Variants in CLSTN2 observed in about 807,000 individuals in gnomAD.
CLSTN2 encodes the protein calsyntenin-2.
A neutral mutation model predicts 101.2 loss-of-function variants in CLSTN2; 48 were observed. That is an observed-to-expected ratio of 0.47 (90% CI 0.38 to 0.60). The LOEUF (loss-of-function observed/expected upper bound fraction) is 0.60. Ranked by LOEUF, CLSTN2 falls within the 20% of genes least tolerant of loss-of-function variation. The pLI is 0.00. For missense variants in CLSTN2, 1,160 were observed against 1,238.2 expected, an observed-to-expected ratio of 0.94 and a Z score of 0.95; for synonymous variants, 481 against 463.6, an observed-to-expected ratio of 1.04 and a Z score of -0.48.
At chr3:140,388,924 T>G (rs529910930) in intron 2 of CLSTN2, among the ~76,000 whole-genome samples, 2 of 151,916 alleles carry the variant, frequency 1.3e-5, no homozygotes, top group Admixed American at 1.3e-4. Context: ...TATATGAATG[T>G]TAACTTTTGG....
At chr3:140,213,069 G>A (rs2010877869) in intron 2 of CLSTN2, among the ~76,000 whole-genome samples, 1 of 152,180 alleles carries the variant, frequency 6.6e-6, no homozygotes, top group Admixed American at 6.5e-5. Context: ...ATAGCCATTA[G>A]CACTTTTCCT....
At chr3:140,363,174 A>G (rs2087748043) in intron 2 of CLSTN2, among the ~76,000 whole-genome samples, 1 of 152,246 alleles carries the variant, frequency 6.6e-6, no homozygotes. Context: ...AATAAACAGT[A>G]CAACATAAAT....
intron 2 of CLSTN2, among the ~76,000 whole-genome samples, chr3:140,212,000 A>G (rs956318198): frequency 2.6e-5 from 4 of 152,190 alleles, no homozygotes; most frequent in Admixed American, 2.6e-4. Context: ...TGCACCATCC[A>G]TATTTTACAT....
intron 2 of CLSTN2, among the ~76,000 whole-genome samples, chr3:140,178,280 G>A (rs2010354957): frequency 6.6e-6 from 1 of 152,052 alleles, no homozygotes; most frequent in Admixed American, 6.6e-5. Context: ...TGAAAGTTTG[G>A]ACTTACAAAA....
At chr3:140,320,248 G>A (rs1382375403) in intron 2 of CLSTN2, among the ~76,000 whole-genome samples, 2 of 152,154 alleles carry the variant, frequency 1.3e-5, no homozygotes, top group African/African-American at 4.8e-5. Context: ...ACAGACTCTG[G>A]GCACTGGGGG....
chr3:140,242,719 C>T (rs1049205054), intron 2 of CLSTN2, among the ~76,000 whole-genome samples: 8 of 152,304 alleles, frequency 5.3e-5, no homozygotes, highest in African/African-American at 1.4e-4. Flanking sequence ...TTCCCATTCC[C>T]CAGGATGCCT....
intron 5 of CLSTN2, 35 bp downstream of exon 5, chr3:140,421,309 C>T: frequency 6.2e-7 from 1 of 1,612,404 alleles, no homozygotes; most frequent in African/African-American, 1.3e-5. Context: ...GTGAAGGCAG[C>T]ATGGTCTGAT....
intron 2 of CLSTN2, among the ~76,000 whole-genome samples, chr3:140,398,295 T>C (rs565578205): frequency 7.2e-5 from 11 of 152,300 alleles, no homozygotes; most frequent in African/African-American, 2.4e-4. Context: ...CATGAACTCA[T>C]TGTGATTTAA....
intron 1 of CLSTN2, among the ~76,000 whole-genome samples, chr3:140,091,982 A>C (rs1027791045): frequency 1.1e-4 from 16 of 152,198 alleles, no homozygotes; most frequent in African/African-American, 3.6e-4. Context: ...TCTCTAATTC[A>C]AGTCTGGCTG....
chr3:139,976,977 C>T (rs2107821614), intron 1 of CLSTN2, among the ~76,000 whole-genome samples: 1 of 152,328 alleles, frequency 6.6e-6, no homozygotes. Context: ...GCCTCCTCTT[C>T]CTGCTCCAGC....
intron 1 of CLSTN2, among the ~76,000 whole-genome samples, chr3:140,094,198 C>G (rs78498394): frequency 0.038 from 5,788 of 152,226 alleles, 147 homozygotes; most frequent in Middle Eastern, 0.082. Context: ...TCAGATCTTC[C>G]CTGCTAAAAA....
intron 1 of CLSTN2, among the ~76,000 whole-genome samples, chr3:140,023,539 C>A (rs970051641): frequency 6.6e-6 from 1 of 152,156 alleles, no homozygotes; most frequent in Non-Finnish European, 1.5e-5. Flanking sequence ...TGGGCCTGGA[C>A]TGACCCTTGC....
intron 2 of CLSTN2, among the ~76,000 whole-genome samples, chr3:140,378,175 C>A (rs1045914697): frequency 6.6e-6 from 1 of 152,168 alleles, no homozygotes; most frequent in Non-Finnish European, 1.5e-5. Context: ...ATGATATTTG[C>A]TCAACAATGA....
At chr3:140,560,310 T>C (rs1161151895) in intron 12 of CLSTN2, among the ~76,000 whole-genome samples, 3 of 152,200 alleles carry the variant, frequency 2.0e-5, no homozygotes. Context: ...ACATTCTCTT[T>C]ATGCTGTCAA....
intron 8 of CLSTN2, among the ~76,000 whole-genome samples, chr3:140,484,676 T>C (rs888802868): frequency 2.6e-5 from 4 of 152,204 alleles, no homozygotes; most frequent in Non-Finnish European, 5.9e-5. Context: ...TTTATTCTTT[T>C]TTCTCTAAAG....
intron 2 of CLSTN2, among the ~76,000 whole-genome samples, chr3:140,215,461 A>G (rs1445987517): frequency 6.6e-6 from 1 of 152,218 alleles, no homozygotes; most frequent in Non-Finnish European, 1.5e-5. Flanking sequence ...TTCCCATGAT[A>G]GTTGTTTCTG....
At chr3:140,212,206 T>C (rs2010864438) in intron 2 of CLSTN2, among the ~76,000 whole-genome samples, 1 of 152,204 alleles carries the variant, frequency 6.6e-6, no homozygotes, top group Admixed American at 6.5e-5. Context: ...CACTCGACTA[T>C]CTGGTGCATT....
At chr3:140,354,688 G>A (rs1222488529) in intron 2 of CLSTN2, among the ~76,000 whole-genome samples, 1 of 152,176 alleles carries the variant, frequency 6.6e-6, no homozygotes, top group Non-Finnish European at 1.5e-5. Context: ...TCTGGAGTGA[G>A]CCTGGCTGAA....
intron 2 of CLSTN2, among the ~76,000 whole-genome samples, chr3:140,377,978 T>C (rs957260356): frequency 6.6e-6 from 1 of 152,202 alleles, no homozygotes; most frequent in Non-Finnish European, 1.5e-5. Flanking sequence ...ATATTTTTAC[T>C]GAGCCTTTTC....
Sources: allele counts gnomAD v4.1 joint callset (sites outside exome capture counted in the v4.1 genomes callset), GRCh38; gene constraint gnomAD v4.1.1; transcripts MANE v1.5; gene names NCBI Gene and HGNC (gene_info 2026-07-23, HGNC 2026-07-21).